The following SRRM2 variants were observed in gnomAD, a reference collection of about 807,000 sequenced individuals.
The protein encoded by SRRM2 is serine/arginine repetitive matrix protein 2.
SRRM2 carries 30 observed loss-of-function variants against 213.8 expected under a neutral mutation model. The observed-to-expected ratio is 0.14, with a 90% CI of 0.10 to 0.19. SRRM2 has a LOEUF of 0.19. Among genes scored for constraint, SRRM2 ranks in the 10% least tolerant of loss-of-function variants. SRRM2 has a pLI of 1.00. For missense variants in SRRM2, 4,904 were observed against 3,647.0 expected (o/e 1.34, Z -8.88); for synonymous variants, 2,025 against 1,377.7 (o/e 1.47, Z -10.40).
intron 5 of SRRM2, 167 bp from the exon 6 acceptor site, chr16:2,758,818 C>T (rs1034146807): frequency 1.4e-5 from 11 of 763,488 alleles, no homozygotes; most frequent in Non-Finnish European, 1.9e-5. Flanking sequence ...TAAGGAGTTA[C>T]TTGTGCTTGT....
Position 2,766,836 on chromosome 16 carries a change from G to T in SRRM2, c.6308G>T (p.Arg2103Leu). The stretch of plus-strand genomic sequence containing the variant: ...GCAACAAGAAATCATTCTGGTTCAC[G>T]GACACCTCCAGTAGCACTCAACAGT... ...PPATRNHSGS[R>L]TPPVALNSSR... The change falls in exon 11 of 15, where the codon CGG becomes CTG. Residue 2103 changes from arginine (R) to leucine (L), a missense_variant. Arg to Leu is a moderately radical substitution (Grantham distance 102). Coordinates refer to ENST00000301740, the MANE Select transcript of SRRM2 (RefSeq NM_016333.4). The surrounding 1 kb of genome is among the most constrained non-coding windows in gnomAD (Gnocchi z 7.0). The T allele has an allele frequency of 6.2e-7, 1 of 1,614,082 alleles. No homozygotes were observed. The highest frequency in any genetic ancestry group is 8.5e-7 in the Non-Finnish European group (1 of 1,180,024).
Position 2,763,302 on chromosome 16 carries a change from C to A in SRRM2, c.2774C>A (p.Pro925Gln). The A allele has an allele frequency of 6.2e-7, 1 of 1,614,132 alleles. No individual in the cohort carries two copies. The highest frequency in any genetic ancestry group is 1.3e-5 in the African/African-American group (1 of 75,008). ...CCCAAAGTGAAGGCAATAATATCAC[C>A]AAGACAAAGAAGCCATTCTGGCTCC... Reference protein sequence around the residue: ...PQPKVKAIISPRQRSHSGSSS... With the variant: ...PQPKVKAIISQRQRSHSGSSS... Residue 925 changes from proline (P) to glutamine (Q), a missense_variant, in exon 11 of 15, where the codon CCA becomes CAA. By Grantham distance (76) the Pro-to-Gln change is moderately conservative (BLOSUM62 -1). Coordinates refer to ENST00000301740, the MANE Select transcript of SRRM2 (RefSeq NM_016333.4).
Position 2,760,386 on chromosome 16 carries a change from G to A in SRRM2, c.919G>A (p.Asp307Asn). The A allele has an allele frequency of 2.5e-6, 4 of 1,614,154 alleles. No individual in the cohort carries two copies. The South Asian group carries it at 4.4e-5, about 18-fold the overall frequency. ...TGCTTCAGGGCGACGCGGGGAGGGAGATGCGCCTTTCAGTGAACCAGGTAC... is the reference window on the plus strand; with the variant it reads ...TGCTTCAGGGCGACGCGGGGAGGGAAATGCGCCTTTCAGTGAACCAGGTAC... ...SPASGRRGEG[D>N]APFSEPGTTS... Residue 307 changes from aspartate (D) to asparagine (N), a missense_variant, in exon 10 of 15, where the codon GAT becomes AAT. Coordinates refer to ENST00000301740, the MANE Select transcript of SRRM2 (RefSeq NM_016333.4).
In SRRM2 at chr16:2,762,482, C is replaced by G. The variant is rs377168258; in HGVS notation, c.1954C>G (p.Pro652Ala). The change falls in exon 11 of 15, where the codon CCA becomes GCA. Residue 652 changes from proline to alanine, a missense_variant. By Grantham distance (27) the Pro-to-Ala change is conservative. Transcript: ENST00000301740. The part of the protein sequence containing the change: ...RRSGRSRSRT[P>A]ARRGRSRSRT... ...AAGTGGCAGGTCACGCTCTAGAACCCCAGCTAGACGTGGCCGCTCACGCTC... is the reference window on the plus strand; with the variant it reads ...AAGTGGCAGGTCACGCTCTAGAACCGCAGCTAGACGTGGCCGCTCACGCTC... 10 of 1,613,524 alleles carry G rather than the reference C, an allele frequency of 6.2e-6. No homozygotes were observed. The African/African-American group carries it at 1.3e-4, about 22-fold the overall frequency.
At chr16:2,756,291 T>G in intron 1 of SRRM2, 43 bp from the exon 2 acceptor site, 1 of 1,461,906 alleles carries the variant, frequency 6.8e-7, no homozygotes, top group Non-Finnish European at 9.0e-7. Context: ...AGTGGTTAGT[T>G]TGGGGCCAGG....
In SRRM2 at chr16:2,756,584, G is replaced by A; in HGVS notation, c.220G>A (p.Glu74Lys). ...CGTCGAGCTGCGATGCCTCGAGCTG[G>A]AGGAGATGATGGAAGAGCAGGGGTG... is the stretch of plus-strand genomic sequence containing the variant. ...RRVELRCLELEEMMEEQGYEE... is the reference protein window; with the variant it reads ...RRVELRCLELKEMMEEQGYEE... The change falls in exon 2 of 15, where the codon GAG becomes AAG. Residue 74 changes from glutamate to lysine, a missense_variant. Glu to Lys is a moderately conservative substitution (Grantham distance 56, BLOSUM62 1). Coordinates refer to ENST00000301740, the MANE Select transcript of SRRM2 (RefSeq NM_016333.4). 1 of 1,613,622 alleles carries A rather than the reference G, an allele frequency of 6.2e-7. No homozygotes were observed. The highest frequency in any genetic ancestry group is 8.5e-7 in the Non-Finnish European group (1 of 1,179,722).
chr16:2,771,382 T>C lies in SRRM2; in HGVS notation c.*515T>C. The C allele has an allele frequency of 1.2e-6, 2 of 1,607,420 alleles. No homozygotes were observed. Among genetic ancestry groups the C allele is most frequent in the Non-Finnish European group, 1.7e-6 (2 of 1,174,392 alleles). On this transcript the variant is annotated 3_prime_UTR_variant, in exon 15 of 15. Coordinates refer to ENST00000301740, the MANE Select transcript of SRRM2 (RefSeq NM_016333.4). ...AAATCTGTACAGCAAGAGCAACTTT[T>C]TCTGTCAAATAAAAATGAGAAATGC...
At chr16:2,760,070 G>C in intron 9 of SRRM2, 2 of 584,028 alleles carry the variant, frequency 3.4e-6, no homozygotes, top group Non-Finnish European at 6.1e-6. Context: ...ATGTTTGGGG[G>C]AGGTGAGTAA....
Position 2,764,463 on chromosome 16 carries a change from C to T in SRRM2, c.3935C>T (p.Pro1312Leu), listed in dbSNP as rs764191185. The change falls in exon 11 of 15, where the codon CCA becomes CTA. Residue 1312 changes from proline (P) to leucine (L), a missense_variant. Transcript: ENST00000301740. ...TCTTGGGGTGGGCCACATTTTTCTC[C>T]AGAACATAAAGAACTGTCTAACTCC... ...ASSWGGPHFS[P>L]EHKELSNSPL... The T allele has an allele frequency of 6.2e-7, 1 of 1,612,812 alleles. No homozygotes were observed. The highest frequency in any genetic ancestry group is 1.1e-5 in the South Asian group (1 of 90,696).
intron 12 of SRRM2, chr16:2,770,079 A>G: frequency 7.9e-7 from 1 of 1,271,568 alleles, no homozygotes; most frequent in Non-Finnish European, 1.0e-6. Context: ...TGCTTCCCAC[A>G]CACGGGGCCG....
Position 2,757,490 on chromosome 16 carries a change from T to A in SRRM2, c.261T>A (p.Ile87=), listed in dbSNP as rs753112881. 6.2e-7 allele frequency: 1 copy of A among 1,613,924 alleles called. No homozygotes were observed. The highest frequency in any genetic ancestry group is 8.5e-7 in the Non-Finnish European group (1 of 1,179,970). Residue 87 remains isoleucine, a synonymous_variant, in exon 3 of 15, where the codon ATT becomes ATA. Coordinates refer to ENST00000301740, the MANE Select transcript of SRRM2 (RefSeq NM_016333.4). The part of the protein sequence containing the change: ...MEEQGYEEQQ[I]QEKVATFRLM... Reference sequence around the variant, plus strand: ...TCTTCAGGTACGAGGAACAGCAAATTCAGGAAAAAGTGGCGACCTTTCGAC... The same window carrying A: ...TCTTCAGGTACGAGGAACAGCAAATACAGGAAAAAGTGGCGACCTTTCGAC...
Position 2,763,453 on chromosome 16 carries a change from A to G in SRRM2, c.2925A>G (p.Pro975=), listed in dbSNP as rs995494919. The change falls in exon 11 of 15, where the codon CCA becomes CCG. Residue 975 remains proline, a synonymous_variant. Transcript: ENST00000301740. Reference sequence around the variant, plus strand: ...ACAGTCATTCTGGGTCCTCCTCACCAGATACCAAAGTGAAACCTGAAACAC... The same window carrying G: ...ACAGTCATTCTGGGTCCTCCTCACCGGATACCAAAGTGAAACCTGAAACAC... The part of the protein sequence containing the change: ...PRYSHSGSSS[P]DTKVKPETPP... 4 of 1,614,218 alleles carry G rather than the reference A, an allele frequency of 2.5e-6. No individual in the cohort carries two copies. The highest frequency in any genetic ancestry group is 1.1e-5 in the South Asian group (1 of 91,080).
At chr16:2,756,671 T>TGTTAGGTGG in intron 2 of SRRM2, 65 bp downstream of exon 2, 1 of 1,543,304 alleles carries the variant, frequency 6.5e-7, no homozygotes, top group African/African-American at 1.4e-5. Flanking sequence ...TTAGGTGGGA[T>TGTTAGGTGG]GTATAGGGAG....
chr16:2,758,891 A>C (rs185692465), intron 5 of SRRM2, 94 bp from the exon 6 acceptor site: 72 of 1,390,030 alleles, frequency 5.2e-5, no homozygotes, highest in Non-Finnish European at 6.9e-5. Flanking sequence ...AGGACATTCA[A>C]GTGTTTTAGA....
chr16:2,766,341 G>C lies in SRRM2; in HGVS notation c.5813G>C (p.Arg1938Thr). ...PPVTRRRSRS[R>T]TPTTRRRSRS... ...GTAACCCGCCGTCGTTCAAGGTCTA[G>C]AACGCCAACAACACGCCGCCGCTCC... Residue 1938 changes from arginine to threonine, a missense_variant, in exon 11 of 15, where the codon AGA becomes ACA. Arg to Thr is a moderately conservative substitution (Grantham distance 71, BLOSUM62 -1). Coordinates refer to ENST00000301740, the MANE Select transcript of SRRM2 (RefSeq NM_016333.4). The surrounding 1 kb of genome is among the most constrained non-coding windows in gnomAD (Gnocchi z 7.0). 1 of 1,614,130 alleles carries C rather than the reference G, an allele frequency of 6.2e-7. No individual in the cohort carries two copies. Among genetic ancestry groups the C allele is most frequent in the Non-Finnish European group, 8.5e-7 (1 of 1,179,998 alleles).
intron 2 of SRRM2, 76 bp downstream of exon 2, chr16:2,756,682 CT>C (rs1372379100): frequency 2.0e-6 from 3 of 1,519,670 alleles, no homozygotes; most frequent in Non-Finnish European, 2.6e-6. Flanking sequence ...GTATAGGGAG[CT>C]TAGGGTGGTT....
intron 1 of SRRM2, chr16:2,753,535 G>A (rs757643018): frequency 2.0e-5 from 3 of 152,224 alleles, no homozygotes; most frequent in Non-Finnish European, 4.4e-5. Flanking sequence ...TAGACCGTGC[G>A]TTCCCTTTTT....
chr16:2,754,643 T>C (rs548337215), intron 1 of SRRM2, among the ~76,000 whole-genome samples: 2 of 152,136 alleles, frequency 1.3e-5, no homozygotes, highest in South Asian at 4.2e-4. Flanking sequence ...GGTATGGAAG[T>C]GTGGGTGAAT....
chr16:2,769,516 C>T (rs969406009), intron 12 of SRRM2: 23 of 626,532 alleles, frequency 3.7e-5, no homozygotes, highest in Admixed American at 1.7e-4. Flanking sequence ...TGGTTTCTTC[C>T]TCTCCCTCCC....
Sources: allele counts gnomAD v4.1 joint callset (sites outside exome capture counted in the v4.1 genomes callset), GRCh38; gene constraint gnomAD v4.1.1; non-coding constraint Gnocchi (gnomAD v3.1); transcripts MANE v1.5; gene names NCBI Gene and HGNC (gene_info 2026-07-23, HGNC 2026-07-21).